MED14: variants seen among roughly 807,000 people sequenced by gnomAD.
The protein encoded by MED14 is mediator complex subunit 14, also known as mediator of RNA polymerase II transcription subunit 14.
MED14 carries 8 observed loss-of-function variants against 109.0 expected under a neutral mutation model. The observed-to-expected ratio is 0.07, with a 90% CI of 0.04 to 0.13. The LOEUF (loss-of-function observed/expected upper bound fraction) is 0.13, where lower values mean the gene tolerates loss of function less well. Ranked by LOEUF, MED14 falls within the 10% of genes least tolerant of loss-of-function variation. The probability of loss-of-function intolerance (pLI) is 1.00; values close to 1 mark genes in which losing one functional copy is unlikely to be tolerated. For missense variants in MED14, 711 were observed against 1,142.4 expected (o/e 0.62, Z 5.44); for synonymous variants, 399 against 408.7 (o/e 0.98, Z 0.29).
rs1929531988 is a variant in MED14, at chrX:40,667,307, G to A, written c.3134-456C>T. 3.6e-5 allele frequency among the ~76,000 whole-genome samples: 4 copies of A among 112,074 alleles called. No homozygotes were observed. In the Middle Eastern group the frequency reaches 0.014, roughly 387 times the overall value. ...GACAAGATTGTGTAGTGAAGGAGGTGGGTGTTGTTCCTTATATACAGCAAT... is the reference window on the plus strand; with the variant it reads ...GACAAGATTGTGTAGTGAAGGAGGTAGGTGTTGTTCCTTATATACAGCAAT... On this transcript the variant is annotated intron_variant, in intron 23 of 30. Coordinates refer to ENST00000324817, the MANE Select transcript of MED14 (RefSeq NM_004229.4).
chrX:40,715,209 T>TA (rs1245870490), intron 3 of MED14, among the ~76,000 whole-genome samples: 2 of 111,536 alleles, frequency 1.8e-5, no homozygotes, highest in Non-Finnish European at 3.8e-5. Flanking sequence ...CCCAATCTCA[T>TA]AAAGTTGTTC....
At chrX:40,669,915 C>T (rs1222552774) in intron 23 of MED14, among the ~76,000 whole-genome samples, 1 of 111,746 alleles carries the variant, frequency 8.9e-6, no homozygotes, top group East Asian at 2.8e-4. Flanking sequence ...CCCCCCTTAT[C>T]GAATGCTCTT....
chrX:40,734,325 C>T (rs144891479), intron 1 of MED14, among the ~76,000 whole-genome samples: 1,168 of 112,238 alleles, frequency 0.01, 16 homozygotes, highest in African/African-American at 0.036. Flanking sequence ...TTAAGTAGAG[C>T]CTACTCTTTC....
chrX:40,676,233 G>A lies in MED14; in HGVS notation c.2881-872C>T, dbSNP rs763182435. Among the ~76,000 whole-genome samples the A allele has an allele frequency of 3.1e-4, 35 of 111,907 alleles. No homozygotes were observed. The South Asian group carries it at 5.6e-3, about 18-fold the overall frequency. On this transcript the variant is annotated intron_variant, in intron 21 of 30. Transcript: ENST00000324817. ...CGGGAAGTTGAGGCTGCAGTGAGCC[G>A]TGATCCCACCACTGCGCTCCAGCCT...
Position 40,650,896 on chromosome X carries a change from T to A in MED14, c.*910A>T. 2 of 753,152 alleles carry A rather than the reference T, an allele frequency of 2.7e-6. No individual in the cohort carries two copies. The highest frequency in any genetic ancestry group is 3.1e-6 in the Non-Finnish European group (2 of 638,273). 62.1% of individuals were successfully genotyped at this position (753,152 alleles called of 1,213,427 possible). On this transcript the variant is annotated 3_prime_UTR_variant, in exon 31 of 31. Transcript: ENST00000324817. The stretch of plus-strand genomic sequence containing the variant: ...GTTCTTTGTTTCCTAATTAATGTTG[T>A]ATGCAGAAGTATTCTGTAAACTAAA...
At chrX:40,720,675 G>A (rs892970560) in intron 3 of MED14, among the ~76,000 whole-genome samples, 1 of 110,380 alleles carries the variant, frequency 9.1e-6, no homozygotes, top group East Asian at 2.9e-4. Flanking sequence ...GGGGCCTAAG[G>A]GAGTGCTTCC....
At chrX:40,730,238 T>C (rs1932029681) in intron 1 of MED14, among the ~76,000 whole-genome samples, 1 of 112,313 alleles carries the variant, frequency 8.9e-6, no homozygotes, top group Non-Finnish European at 1.9e-5. Flanking sequence ...CTCTGGCTTA[T>C]AGTTACCTCC....
chrX:40,725,351 C>T (rs1303951473), intron 3 of MED14, among the ~76,000 whole-genome samples: 1 of 111,032 alleles, frequency 9.0e-6, no homozygotes, highest in East Asian at 2.8e-4. Flanking sequence ...ACCCTGATAC[C>T]AAAACCAGAC....
rs374478944 is a variant in MED14, at chrX:40,709,231, C to T, written c.1285+117G>A. On this transcript the variant is annotated intron_variant, in intron 10 of 30. Coordinates refer to ENST00000324817, the MANE Select transcript of MED14 (RefSeq NM_004229.4). Reference sequence around the variant, plus strand: ...GATCACAAGTTAAAATGCAGAAATACCAGCTTCCACAATAAAAGCAAAATA... The same window carrying T: ...GATCACAAGTTAAAATGCAGAAATATCAGCTTCCACAATAAAAGCAAAATA... The T allele has an allele frequency of 1.2e-5, 4 of 321,270 alleles. No homozygotes were observed. The South Asian group carries it at 3.9e-4, about 31-fold the overall frequency. The allele number at this position is 321,270 out of a possible 1,213,427, so 26.5% of individuals were successfully genotyped here. A position where few individuals can be genotyped will look rare whatever the true frequency, so the allele number is the denominator to read the frequency against.
chrX:40,672,462 A>G (rs1160020469), intron 22 of MED14, among the ~76,000 whole-genome samples: 3 of 112,313 alleles, frequency 2.7e-5, no homozygotes, highest in Non-Finnish European at 3.8e-5. Context: ...ATGGTAGCTC[A>G]GCCTGACCTT....
At chrX:40,734,561 G>C (rs1932185713) in intron 1 of MED14, among the ~76,000 whole-genome samples, 1 of 112,331 alleles carries the variant, frequency 8.9e-6, no homozygotes, top group Non-Finnish European at 1.9e-5. Context: ...ACTGAAATTC[G>C]TTAGTATATT....
At chrX:40,704,190 C>T (rs1295698141) in intron 10 of MED14, among the ~76,000 whole-genome samples, 2 of 112,009 alleles carry the variant, frequency 1.8e-5, no homozygotes, top group African/African-American at 6.5e-5. Flanking sequence ...TGACAATATG[C>T]CTGATCTAGA....
chrX:40,670,254 G>A (rs1393994869), intron 23 of MED14, among the ~76,000 whole-genome samples: 1 of 111,604 alleles, frequency 9.0e-6, no homozygotes, highest in African/African-American at 3.3e-5. Context: ...CATGTACCAC[G>A]CCCCAGGCTA....
intron 30 of MED14, 73 bp from the exon 31 acceptor site, chrX:40,651,952 G>A (rs1468712242): frequency 8.0e-6 from 8 of 994,767 alleles, no homozygotes; most frequent in African/African-American, 2.0e-5. Context: ...AAGGGAAGGG[G>A]TAATTAAATC....
intron 10 of MED14, among the ~76,000 whole-genome samples, chrX:40,705,276 A>T (rs756178828): frequency 8.9e-6 from 1 of 112,306 alleles, no homozygotes; most frequent in Non-Finnish European, 1.9e-5. Context: ...GGTAGGAGTG[A>T]ATTCTCTAAA....
intron 14 of MED14, 51 bp from the exon 15 acceptor site, chrX:40,692,368 A>G: frequency 1.1e-6 from 1 of 914,902 alleles, no homozygotes; most frequent in Non-Finnish European, 1.5e-6. Flanking sequence ...AAAAAAGTAC[A>G]TGTGATGCAA....
chrX:40,666,285 T>G (rs1929476597), intron 24 of MED14, among the ~76,000 whole-genome samples: 1 of 111,434 alleles, frequency 9.0e-6, no homozygotes, highest in Non-Finnish European at 1.9e-5. Context: ...GTTCTATTTT[T>G]TATCTAGTTG....
At chrX:40,731,427 T>C (rs1040209804) in intron 1 of MED14, among the ~76,000 whole-genome samples, 4 of 111,552 alleles carry the variant, frequency 3.6e-5, no homozygotes, top group Non-Finnish European at 7.5e-5. Context: ...ATCCTGACAG[T>C]TTTTAGGGAA....
chrX:40,698,312 T>A (rs1183806676), intron 12 of MED14, among the ~76,000 whole-genome samples: 17 of 112,182 alleles, frequency 1.5e-4, no homozygotes, highest in Non-Finnish European at 3.0e-4. Context: ...CAAGCTCATG[T>A]GTCACATTAA....
Sources: allele counts gnomAD v4.1 joint callset (sites outside exome capture counted in the v4.1 genomes callset), GRCh38; gene constraint gnomAD v4.1.1; transcripts MANE v1.5; gene names NCBI Gene and HGNC (gene_info 2026-07-23, HGNC 2026-07-21).